The following CUL4B variants were observed in gnomAD, a reference collection of about 807,000 sequenced individuals.
The protein encoded by CUL4B is cullin 4B.
A neutral mutation model predicts 69.2 loss-of-function variants in CUL4B; 1 was observed. That is an observed-to-expected ratio of 0.01 (90% CI 0.01 to 0.07). The LOEUF (loss-of-function observed/expected upper bound fraction) is 0.07, where lower values mean the gene tolerates loss of function less well. Among genes scored for constraint, CUL4B ranks in the 10% least tolerant of loss-of-function variants. The probability of loss-of-function intolerance (pLI) is 1.00; values close to 1 mark genes in which losing one functional copy is unlikely to be tolerated. For missense variants in CUL4B, 328 were observed against 638.8 expected (o/e 0.51, Z 5.24); for synonymous variants, 237 against 223.2 (o/e 1.06, Z -0.55).
At chrX:120,556,913 A>G (rs79448556) in intron 2 of CUL4B, among the ~76,000 whole-genome samples, 1 of 24,764 alleles carries the variant, frequency 4.0e-5, no homozygotes, top group South Asian at 3.2e-3. Context: ...GTATATATAT[A>G]TTTTTTTTTT....
chrX:120,532,654 C>T (rs1176968534), intron 17 of CUL4B, 60 bp from the exon 18 acceptor site: 28 of 989,841 alleles, frequency 2.8e-5, no homozygotes, highest in Non-Finnish European at 4.0e-5. Flanking sequence ...CGACATTCTA[C>T]CTCAATCTAG....
chrX:120,558,106 A>G, intron 1 of CUL4B, 67 bp from the exon 2 acceptor site: 2 of 617,904 alleles, frequency 3.2e-6, no homozygotes, highest in Non-Finnish European at 5.3e-6. Flanking sequence ...GATTCATAAA[A>G]TATAATAGCA....
intron 13 of CUL4B, 197 bp downstream of exon 13, chrX:120,538,463 A>G: frequency 2.4e-6 from 1 of 425,424 alleles, no homozygotes; most frequent in Non-Finnish European, 4.0e-6. Context: ...AAAACCAAGA[A>G]CAATGCTTTA....
chrX:120,545,427 T>G lies in CUL4B; in HGVS notation c.920+17A>C, dbSNP rs760903477. ...ATGATTTGGAACAATCTTTTCATAT[T>G]TTTCTGGCATCCTTACCAAATGGAG... On this transcript the variant is annotated intron_variant, in intron 5 of 19. Transcript: ENST00000371322. The G allele has an allele frequency of 1.8e-6, 2 of 1,105,056 alleles. No homozygotes were observed. The highest frequency in any genetic ancestry group is 2.5e-6 in the Non-Finnish European group (2 of 809,389). The allele number at this position is 1,105,056 out of a possible 1,213,427, so 91.1% of individuals were successfully genotyped here.
In CUL4B at chrX:120,560,756, AAC is replaced by A. The variant is rs1375355401; in HGVS notation, c.-120_-119del. The stretch of plus-strand genomic sequence containing the variant: ...GGAAGGGAAGAAAGAAGAGAGGAGA[AAC>A]ACAGAGGACGAGAAGGAAAGTGAAG... On this transcript the variant is annotated 5_prime_UTR_variant, in exon 1 of 20. Transcript: ENST00000371322. 3 of 791,343 alleles carry A rather than the reference AAC, an allele frequency of 3.8e-6. No homozygotes were observed. The highest frequency in any genetic ancestry group is 4.8e-5 in the African/African-American group (2 of 41,615). 65.2% of individuals were successfully genotyped at this position (791,343 alleles called of 1,213,427 possible).
At chrX:120,544,847 A>G (rs1924218991) in intron 5 of CUL4B, among the ~76,000 whole-genome samples, 1 of 112,509 alleles carries the variant, frequency 8.9e-6, no homozygotes, top group African/African-American at 3.2e-5. Flanking sequence ...GCCTTTACTG[A>G]GAATTGAAGC....
Position 120,524,706 on chromosome X carries a change from A to G in CUL4B, c.*2055T>C, listed in dbSNP as rs1386182488. The G allele has an allele frequency of 8.9e-6, 1 of 112,207 alleles. No individual in the cohort carries two copies. Among genetic ancestry groups the G allele is most frequent in the Non-Finnish European group, 1.9e-5 (1 of 53,154 alleles). 9.2% of individuals were successfully genotyped at this position (112,207 alleles called of 1,213,427 possible). A position where few individuals can be genotyped will look rare whatever the true frequency, so the allele number is the denominator to read the frequency against. On this transcript the variant is annotated 3_prime_UTR_variant, in exon 20 of 20. Coordinates refer to ENST00000371322, the MANE Select transcript of CUL4B (RefSeq NM_001079872.2). ...TTCAACTGATACAGAACAACAACTGAAAGTCACAATTATCCAATGTAGTTT... is the reference window on the plus strand; with the variant it reads ...TTCAACTGATACAGAACAACAACTGGAAGTCACAATTATCCAATGTAGTTT...
downstream of CUL4B, among the ~76,000 whole-genome samples, chrX:120,569,425 A>T (rs1463482254): frequency 2.9e-5 from 3 of 102,454 alleles, no homozygotes; most frequent in Non-Finnish European, 5.9e-5. Flanking sequence ...CAGTGGTGCC[A>T]TCTTGGCTCA....
chrX:120,550,197 C>G (rs895532280), intron 2 of CUL4B, among the ~76,000 whole-genome samples: 2 of 112,077 alleles, frequency 1.8e-5, no homozygotes, highest in African/African-American at 6.5e-5. Context: ...CTGGACACTT[C>G]TTACACAAAA....
In CUL4B at chrX:120,532,400, TAAGAGA is replaced by T; in HGVS notation, c.2439+16_2439+21del. ...ATGTATAATTCCAGTGTGTTAGGAC[TAAGAGA>T]AAGTGAAAGAAATACCGTTTCTTTC... On this transcript the variant is annotated intron_variant, in intron 18 of 19. Transcript: ENST00000371322. The T allele has an allele frequency of 1.7e-6, 2 of 1,153,279 alleles. No individual in the cohort carries two copies. The highest frequency in any genetic ancestry group is 2.2e-5 in the Admixed American group (1 of 45,937).
At chrX:120,539,826 T>C (rs151245556) in intron 11 of CUL4B, among the ~76,000 whole-genome samples, 143 of 111,996 alleles carry the variant, frequency 1.3e-3, no homozygotes, top group Middle Eastern at 4.6e-3. Flanking sequence ...TTGCTACATG[T>C]TTACGGATAC....
At chrX:120,552,404 T>A (rs2147342737) in intron 2 of CUL4B, among the ~76,000 whole-genome samples, 1 of 112,799 alleles carries the variant, frequency 8.9e-6, no homozygotes, top group South Asian at 3.6e-4. Context: ...CACCTTGGCC[T>A]CCCAAAGTGT....
intron 2 of CUL4B, among the ~76,000 whole-genome samples, chrX:120,557,121 G>C (rs894080171): frequency 1.8e-5 from 2 of 110,555 alleles, no homozygotes; most frequent in Non-Finnish European, 3.8e-5. Flanking sequence ...ATGTTGGTCA[G>C]GCTGGTCTCG....
chrX:120,544,314 G>A (rs1924186405), intron 6 of CUL4B, 111 bp from the exon 7 acceptor site: 7 of 793,251 alleles, frequency 8.8e-6, no homozygotes, highest in Non-Finnish European at 1.1e-5. Flanking sequence ...ATCAAGCTAG[G>A]ATCCTTTTGT....
At chrX:120,543,652 T>C (rs1022131874) in intron 8 of CUL4B, 75 bp downstream of exon 8, 4 of 702,142 alleles carry the variant, frequency 5.7e-6, no homozygotes, top group Non-Finnish European at 9.2e-6. Context: ...GTTACTAACA[T>C]GTTTAGGATG....
chrX:120,546,562 G>T lies in CUL4B; in HGVS notation c.831C>A (p.Asn277Lys). 1 of 1,203,859 alleles carries T rather than the reference G, an allele frequency of 8.3e-7. No homozygotes were observed. Among genetic ancestry groups the T allele is most frequent in the Non-Finnish European group, 1.1e-6 (1 of 889,030 alleles). Residue 277 changes from asparagine (N) to lysine (K), a missense_variant, in exon 4 of 20, where the codon AAC (asparagine) becomes AAA (lysine). By Grantham distance (94) the Asn-to-Lys change is moderately conservative. This residue lies in a region of CUL4B where 126 missense variants were observed against 202.5 expected (regional missense o/e 0.62). Coordinates refer to ENST00000371322, the MANE Select transcript of CUL4B (RefSeq NM_001079872.2). ...FLKKIDRCWQ[N>K]HCRQMIMIRS... is the part of the protein sequence containing the mutation. ...TCCAGCTTACCATTTGTCTGCAATG[G>T]TTTTGCCAGCATCTATCAATCTTCT...
chrX:120,548,529 T>G (rs1924476633), intron 2 of CUL4B, among the ~76,000 whole-genome samples: 1 of 111,590 alleles, frequency 9.0e-6, no homozygotes, highest in African/African-American at 3.3e-5. Flanking sequence ...TAAGAATAGT[T>G]AAATATAGAT....
rs138140079 is a variant in CUL4B at position 120,524,104 on chromosome X, G to A, written c.*2657C>T. ...TCTGAACTGTACACTCACATACACA[G>A]CAAAAATTTCAAGAGTATGGCTAGA... On this transcript the variant is annotated 3_prime_UTR_variant, in exon 20 of 20. Coordinates refer to ENST00000371322, the MANE Select transcript of CUL4B (RefSeq NM_001079872.2). 1.6e-3 allele frequency among the ~76,000 whole-genome samples: 181 copies of A among 111,222 alleles called. No homozygotes were observed. Among genetic ancestry groups the A allele is most frequent in the African/African-American group, 5.6e-3 (171 of 30,711 alleles).
intron 17 of CUL4B, 114 bp downstream of exon 17, chrX:120,534,367 G>T: frequency 2.0e-6 from 1 of 494,989 alleles, no homozygotes. Flanking sequence ...TAAAAAAAAA[G>T]AAAAAAAAAA....
Sources: allele counts gnomAD v4.1 joint callset (sites outside exome capture counted in the v4.1 genomes callset), GRCh38; gene constraint gnomAD v4.1.1; regional missense constraint gnomAD v4.1.1; transcripts MANE v1.5; gene names NCBI Gene and HGNC (gene_info 2026-07-23, HGNC 2026-07-21).